The following CNBD1 variants were observed in gnomAD, a reference collection of about 807,000 sequenced individuals.
CNBD1 encodes cyclic nucleotide binding domain containing 1.
A neutral mutation model predicts 54.4 loss-of-function variants in CNBD1; 71 were observed. That is an observed-to-expected ratio of 1.30 (90% CI 1.08 to 1.59). The LOEUF (loss-of-function observed/expected upper bound fraction) is 1.59, where lower values mean the gene tolerates loss of function less well. Among genes scored for constraint, CNBD1 ranks in the 40% most tolerant of loss-of-function variants. The probability of loss-of-function intolerance (pLI) is 0.00; values close to 1 mark genes in which losing one functional copy is unlikely to be tolerated. For missense variants in CNBD1, 659 were observed against 518.0 expected, an observed-to-expected ratio of 1.27 and a Z score of -2.64; for synonymous variants, 182 against 170.7, an observed-to-expected ratio of 1.07 and a Z score of -0.51.
intron 4 of CNBD1, among the ~76,000 whole-genome samples, chr8:87,040,064 G>A (rs1810031567): frequency 1.4e-5 from 2 of 140,174 alleles, no homozygotes; most frequent in Non-Finnish European, 3.2e-5. Context: ...ATCTCCAGGA[G>A]CAATTTGGGG....
intron 5 of CNBD1, among the ~76,000 whole-genome samples, chr8:87,228,198 A>G (rs1191927862): frequency 2.7e-5 from 4 of 149,868 alleles, no homozygotes; most frequent in African/African-American, 1.0e-4. Flanking sequence ...GTCCTCCCAT[A>G]GCTCAGAGTA....
At chr8:86,868,045 AC>A (rs1465434753) in intron 1 of CNBD1, among the ~76,000 whole-genome samples, 1 of 152,190 alleles carries the variant, frequency 6.6e-6, no homozygotes, top group Admixed American at 6.5e-5. Context: ...CTTTTTGCTA[AC>A]TGTAGCAAGA....
chr8:86,934,639 A>G (rs1419776180), intron 3 of CNBD1, among the ~76,000 whole-genome samples: 1 of 152,176 alleles, frequency 6.6e-6, no homozygotes, highest in Non-Finnish European at 1.5e-5. Context: ...TTGTCATATT[A>G]AGTTTCATTT....
chr8:87,342,082 G>C (rs1586030132), intron 8 of CNBD1, among the ~76,000 whole-genome samples: 2 of 152,162 alleles, frequency 1.3e-5, no homozygotes, highest in East Asian at 3.9e-4. Flanking sequence ...GACCATCCTG[G>C]CTAACACGGC....
intron 4 of CNBD1, among the ~76,000 whole-genome samples, chr8:87,006,905 ACTT>A (rs1283767390): frequency 4.6e-5 from 7 of 152,246 alleles, no homozygotes; most frequent in Non-Finnish European, 1.0e-4. Context: ...GTACAATAAA[ACTT>A]CTTATTGGCC....
intron 4 of CNBD1, among the ~76,000 whole-genome samples, chr8:87,148,562 A>C (rs1812537252): frequency 6.6e-6 from 1 of 152,144 alleles, no homozygotes; most frequent in Non-Finnish European, 1.5e-5. Context: ...AGAGAAGGGG[A>C]ATACTAATCT....
intron 4 of CNBD1, among the ~76,000 whole-genome samples, chr8:86,985,501 T>C (rs143861153): frequency 4.1e-3 from 620 of 152,330 alleles, no homozygotes; most frequent in Admixed American, 7.6e-3. Context: ...TTTTCTGTTC[T>C]TGCATCAATT....
chr8:87,195,505 G>A (rs1813700856), intron 4 of CNBD1, among the ~76,000 whole-genome samples: 1 of 151,424 alleles, frequency 6.6e-6, no homozygotes, highest in Non-Finnish European at 1.5e-5. Context: ...TGGGATTACA[G>A]GCGTAAGTCA....
At chr8:87,260,227 T>A (rs556078341) in intron 6 of CNBD1, among the ~76,000 whole-genome samples, 1 of 152,256 alleles carries the variant, frequency 6.6e-6, no homozygotes, top group South Asian at 2.1e-4. Context: ...ACCCTAAAAT[T>A]CCTGTACCCT....
chr8:87,037,287 T>A (rs1809969925), intron 4 of CNBD1, among the ~76,000 whole-genome samples: 1 of 152,082 alleles, frequency 6.6e-6, no homozygotes, highest in Admixed American at 6.6e-5. Flanking sequence ...TTTTCTAGAG[T>A]TCTGAAGCTT....
chr8:87,240,118 A>C (rs1038075303), intron 6 of CNBD1, among the ~76,000 whole-genome samples: 1 of 151,716 alleles, frequency 6.6e-6, no homozygotes, highest in African/African-American at 2.4e-5. Context: ...ACAAACATGC[A>C]CTTCTATATT....
intron 6 of CNBD1, among the ~76,000 whole-genome samples, chr8:87,265,978 C>G (rs752790856): frequency 6.6e-6 from 1 of 151,956 alleles, no homozygotes; most frequent in Admixed American, 6.6e-5. Context: ...TTAAAAGATT[C>G]TATTTAAGTA....
intron 4 of CNBD1, among the ~76,000 whole-genome samples, chr8:87,161,577 A>G (rs966762580): frequency 3.3e-5 from 5 of 152,158 alleles, no homozygotes; most frequent in Admixed American, 3.3e-4. Flanking sequence ...AAGTACACAT[A>G]AAATCAGTCT....
In CNBD1 at chr8:87,170,681, G is replaced by T. The variant is rs1251153783; in HGVS notation, c.432-35312G>T. On this transcript the variant is annotated intron_variant, in intron 4 of 10. Coordinates refer to ENST00000518476, the MANE Select transcript of CNBD1 (RefSeq NM_173538.3). ...TTGAGGCATGTTCTTTCTATACCCA[G>T]TTTCCTTGTATACCCAGCTTTTTGA... is the stretch of plus-strand genomic sequence containing the variant. Among the ~76,000 whole-genome samples, 9 of 152,182 alleles carry T rather than the reference G, an allele frequency of 5.9e-5. No homozygotes were observed. In the South Asian group the frequency reaches 1.9e-3, roughly 32 times the overall value.
Position 87,273,913 on chromosome 8 carries a change from C to T in CNBD1, c.772-10765C>T, listed in dbSNP as rs76576066. Among the ~76,000 whole-genome samples the T allele has an allele frequency of 3.1e-4, 45 of 146,910 alleles. 1 individual carries two copies. The East Asian group carries it at 9.1e-3, about 30-fold the overall frequency. ...CATTAGGTATATCTCCCAATGCTAT[C>T]CCTCACCCCTCCCCCCACCCCACAA... On this transcript the variant is annotated intron_variant, in intron 6 of 10. Transcript: ENST00000518476.
intron 4 of CNBD1, among the ~76,000 whole-genome samples, chr8:87,140,254 T>G (rs1348951791): frequency 6.6e-6 from 1 of 152,132 alleles, no homozygotes; most frequent in Admixed American, 6.6e-5. Context: ...ACACACCTTG[T>G]ACAATATAGC....
At chr8:86,894,075 G>T (rs1210421254) in intron 2 of CNBD1, among the ~76,000 whole-genome samples, 1 of 25,258 alleles carries the variant, frequency 4.0e-5, no homozygotes, top group Non-Finnish European at 8.6e-5. Context: ...TTTTTTTTGA[G>T]ACGGAGTCTC....
chr8:87,137,096 A>ATAGTC (rs1812264885), intron 4 of CNBD1, among the ~76,000 whole-genome samples: 1 of 91,254 alleles, frequency 1.1e-5, no homozygotes, highest in African/African-American at 5.4e-5. Context: ...TATTTATATT[A>ATAGTC]TATGTAAATT....
chr8:86,940,227 C>T (rs562256114), intron 4 of CNBD1, among the ~76,000 whole-genome samples: 129 of 141,426 alleles, frequency 9.1e-4, no homozygotes, highest in African/African-American at 3.2e-3. Flanking sequence ...GCTTCAATGG[C>T]GCAATCTCAA....
Sources: gnomAD v4.1 joint callset for allele counts (sites outside exome capture counted in the v4.1 genomes callset) on GRCh38, gnomAD v4.1.1 for gene constraint, MANE v1.5 for transcripts, NCBI Gene and HGNC (gene_info 2026-07-23, HGNC 2026-07-21) for gene names.